The following HIP1 variants were observed in gnomAD, a reference collection of about 807,000 sequenced individuals.
HIP1 encodes the protein huntingtin interacting protein 1.
In HIP1, 65 loss-of-function variants were observed where a neutral mutation model predicts 147.6. The ratio of observed to expected loss-of-function variants is 0.44; its 90% CI spans 0.36 to 0.54. The LOEUF is 0.54. Among genes scored for constraint, HIP1 ranks in the 20% least tolerant of loss-of-function variants. The pLI, the probability that HIP1 is intolerant of heterozygous loss-of-function variation, is 0.00. For missense variants in HIP1, 1,061 were observed against 1,299.6 expected (o/e 0.82, Z 2.82); for synonymous variants, 479 against 504.0 (o/e 0.95, Z 0.67).
At chr7:75,664,679 A>C (rs1326279810) in intron 1 of HIP1, among the ~76,000 whole-genome samples, 8 of 151,756 alleles carry the variant, frequency 5.3e-5, no homozygotes, top group African/African-American at 1.9e-4. Flanking sequence ...GGAGTGCAGT[A>C]GTACAATCTC....
At chr7:75,628,775 G>A (rs944991127) in intron 1 of HIP1, among the ~76,000 whole-genome samples, 4 of 152,046 alleles carry the variant, frequency 2.6e-5, no homozygotes, top group South Asian at 2.1e-4. Flanking sequence ...CACTGCATGC[G>A]GCCTGTACCT....
At chr7:75,670,901 C>T (rs919994682) in intron 1 of HIP1, among the ~76,000 whole-genome samples, 4 of 147,866 alleles carry the variant, frequency 2.7e-5, no homozygotes, top group South Asian at 2.1e-4. Flanking sequence ...AGATTACAGG[C>T]GTGAGCCACC....
intron 1 of HIP1, among the ~76,000 whole-genome samples, chr7:75,676,134 T>A (rs1482564575): frequency 6.6e-6 from 1 of 152,216 alleles, no homozygotes; most frequent in Admixed American, 6.6e-5. Flanking sequence ...GGTTGCTGTT[T>A]GTTTAGTGAC....
chr7:75,561,229 C>T, intron 13 of HIP1, 100 bp downstream of exon 13: 5 of 905,092 alleles, frequency 5.5e-6, no homozygotes, highest in Non-Finnish European at 7.5e-6. Context: ...GCTAGGATTA[C>T]AGGTGTGAGC....
intron 1 of HIP1, among the ~76,000 whole-genome samples, chr7:75,693,417 T>G (rs2117303676): frequency 6.6e-6 from 1 of 152,270 alleles, no homozygotes; most frequent in South Asian, 2.1e-4. Context: ...CCGCACTCAC[T>G]TCTTCTGGCT....
chr7:75,535,085 C>T lies in HIP1; in HGVS notation c.*3087G>A, dbSNP rs1258789921. ...GTAGCCATTCTAATCTGAGCTATTA[C>T]GAAAGTAATTATGTGACATCTGACA... On this transcript the variant is annotated 3_prime_UTR_variant, in exon 31 of 31. Coordinates refer to ENST00000336926, the MANE Select transcript of HIP1 (RefSeq NM_005338.7). 5.6e-5 allele frequency: 12 copies of T among 213,430 alleles called. No homozygotes were observed. The highest frequency in any genetic ancestry group is 3.7e-4 in the South Asian group (2 of 5,346). 13.2% of individuals were successfully genotyped at this position (213,430 alleles called of 1,614,324 possible). A position where few individuals can be genotyped will look rare whatever the true frequency, so the allele number is the denominator to read the frequency against.
chr7:75,679,567 T>G (rs1211442364), intron 1 of HIP1, among the ~76,000 whole-genome samples: 2 of 152,206 alleles, frequency 1.3e-5, no homozygotes, highest in Non-Finnish European at 2.9e-5. Flanking sequence ...TTAGTTCCCA[T>G]CTAACTAGAG....
intron 3 of HIP1, 23 bp from the exon 4 acceptor site, chr7:75,592,135 T>A (rs587751663): frequency 6.2e-7 from 1 of 1,604,592 alleles, no homozygotes; most frequent in Non-Finnish European, 8.5e-7. Flanking sequence ...AAGAACAGCC[T>A]GTGAGAGAAT....
rs113656609 is a variant in HIP1, at chr7:75,632,821, C to T, written c.121-33574G>A. 1.3e-5 allele frequency among the ~76,000 whole-genome samples: 2 copies of T among 152,310 alleles called. 1 individual carries two copies. The highest frequency in any genetic ancestry group is 4.8e-5 in the African/African-American group (2 of 41,570). On this transcript the variant is annotated intron_variant, in intron 1 of 30. Transcript: ENST00000336926. ...TACACATACACCATGGAATACTCTG[C>T]AGCCATAAAAAGGAACAAGATTATG... is the stretch of plus-strand genomic sequence containing the variant.
At chr7:75,734,237 C>A (rs1801938799) in intron 1 of HIP1, among the ~76,000 whole-genome samples, 1 of 149,160 alleles carries the variant, frequency 6.7e-6, no homozygotes, top group African/African-American at 2.5e-5. Flanking sequence ...CAGAGTGAGA[C>A]TCTGTCTCAA....
At chr7:75,727,845 C>CAAAAA (rs1169732794) in intron 1 of HIP1, among the ~76,000 whole-genome samples, 4 of 67,296 alleles carry the variant, frequency 5.9e-5, no homozygotes, top group African/African-American at 1.7e-4. Flanking sequence ...GACTCCATCT[C>CAAAAA]AAAAAAAAAA....
intron 1 of HIP1, among the ~76,000 whole-genome samples, chr7:75,679,467 G>T (rs1312553861): frequency 2.6e-5 from 4 of 152,206 alleles, no homozygotes; most frequent in African/African-American, 9.6e-5. Context: ...GCCTCCCAAA[G>T]TGTTGGGATT....
intron 1 of HIP1, among the ~76,000 whole-genome samples, chr7:75,738,534 G>A (rs572446671): frequency 6.6e-6 from 1 of 152,116 alleles, no homozygotes; most frequent in East Asian, 1.9e-4. Context: ...CTCCTGCCCG[G>A]TACCCAGCCG....
chr7:75,608,271 C>T (rs1274027954), intron 1 of HIP1, among the ~76,000 whole-genome samples: 1 of 152,192 alleles, frequency 6.6e-6, no homozygotes, highest in Non-Finnish European at 1.5e-5. Flanking sequence ...CACGCCACTG[C>T]ACTCCAGCCT....
chr7:75,664,128 A>G (rs1799447089), intron 1 of HIP1, among the ~76,000 whole-genome samples: 1 of 49,944 alleles, frequency 2.0e-5, no homozygotes, highest in South Asian at 5.7e-4. Context: ...ATATGCACAC[A>G]CATGTGTGTA....
At chr7:75,641,686 G>A (rs1442366240) in intron 1 of HIP1, among the ~76,000 whole-genome samples, 5 of 150,772 alleles carry the variant, frequency 3.3e-5, no homozygotes, top group Non-Finnish European at 7.4e-5. Flanking sequence ...TAGTAGAGAC[G>A]GGGTTTCTCC....
intron 5 of HIP1, among the ~76,000 whole-genome samples, chr7:75,584,454 C>T (rs184832333): frequency 6.6e-6 from 1 of 152,296 alleles, no homozygotes; most frequent in African/African-American, 2.4e-5. Context: ...ACAATACCAG[C>T]TTCCCCTTTT....
chr7:75,658,132 C>T (rs567234213), intron 1 of HIP1, among the ~76,000 whole-genome samples: 49 of 152,164 alleles, frequency 3.2e-4, no homozygotes, highest in Non-Finnish European at 6.3e-4. Context: ...CTTGCTCTGT[C>T]GCCCAGGCTG....
intron 1 of HIP1, among the ~76,000 whole-genome samples, chr7:75,652,029 ATATGAGCCTGG>A (rs1554512063): frequency 2.7e-5 from 4 of 147,964 alleles, no homozygotes; most frequent in African/African-American, 1.0e-4. Flanking sequence ...AAAAAGCACT[ATATGAGCCTGG>A]TATGGTGGCT....
Sources: allele counts gnomAD v4.1 joint callset (sites outside exome capture counted in the v4.1 genomes callset), GRCh38; gene constraint gnomAD v4.1.1; transcripts MANE v1.5; gene names NCBI Gene and HGNC (gene_info 2026-07-23, HGNC 2026-07-21).